The following COL17A1 variants were observed in gnomAD, a reference collection of about 807,000 sequenced individuals.
COL17A1 encodes the protein collagen alpha-1(XVII) chain.
Under a neutral mutation model 218.4 loss-of-function variants are expected in COL17A1, and 181 were observed. That is an observed-to-expected ratio of 0.83 (90% CI 0.73 to 0.94). The LOEUF is 0.94. Among genes scored for constraint, COL17A1 ranks in the 40% least tolerant of loss-of-function variants. The pLI is 0.00. For synonymous variants in COL17A1, 721 were observed against 731.0 expected (o/e 0.99, Z 0.22); for missense variants, 1,924 against 1,945.9 (o/e 0.99, Z 0.21).
At position 104,058,131 on chromosome 10, in the gene COL17A1, G is replaced by A. The variant is rs750598817; in HGVS notation, c.1267+15C>T. 33 of 1,614,010 alleles carry A rather than the reference G, an allele frequency of 2.0e-5. No individual in the cohort carries two copies. The highest frequency in any genetic ancestry group is 1.1e-4 in the African/African-American group (8 of 74,938). On this transcript the variant is annotated intron_variant, in intron 16 of 55. Coordinates refer to ENST00000648076, the MANE Select transcript of COL17A1 (RefSeq NM_000494.4). The stretch of plus-strand genomic sequence containing the variant: ...ACTGGATCCTGTCACTGCAGGGTTC[G>A]CGGTTCTCACCCACCTGCAGTGGTG...
chr10:104,081,808 G>A (rs2086767137), intron 1 of COL17A1, among the ~76,000 whole-genome samples: 1 of 152,206 alleles, frequency 6.6e-6, no homozygotes, highest in South Asian at 2.1e-4. Context: ...TAGGCCCACA[G>A]CACATTTTGG....
chr10:104,063,937 A>T, intron 10 of COL17A1, 119 bp from the exon 11 acceptor site: 4 of 1,477,044 alleles, frequency 2.7e-6, no homozygotes, highest in Non-Finnish European at 2.8e-6. Flanking sequence ...ATTTTGGTAA[A>T]TTTTTGTTTT....
chr10:104,081,176 C>T (rs2086761756), intron 1 of COL17A1, among the ~76,000 whole-genome samples: 2 of 152,096 alleles, frequency 1.3e-5, no homozygotes, highest in Non-Finnish European at 2.9e-5. Context: ...AAGAATGGCA[C>T]TTGATGGATT....
intron 11 of COL17A1, 142 bp downstream of exon 11, chr10:104,063,605 A>G: frequency 1.5e-6 from 2 of 1,329,046 alleles, no homozygotes; most frequent in Non-Finnish European, 2.1e-6. Flanking sequence ...CCTGTGGTTG[A>G]AGGCAGGTTC....
At position 104,053,163 on chromosome 10, in the gene COL17A1, G is replaced by A. The variant is rs765294774; in HGVS notation, c.1835-28C>T. 6 of 1,609,020 alleles carry A rather than the reference G, an allele frequency of 3.7e-6. No individual in the cohort carries two copies. In the South Asian group the frequency reaches 6.6e-5, roughly 18 times the overall value. On this transcript the variant is annotated intron_variant, in intron 22 of 55. Coordinates refer to ENST00000648076, the MANE Select transcript of COL17A1 (RefSeq NM_000494.4). ...AAAGACAGGGATGGCCAGCCTCCAAGTCAGGATCCCGTACCCCAGCTAACG... is the reference window on the plus strand; with the variant it reads ...AAAGACAGGGATGGCCAGCCTCCAAATCAGGATCCCGTACCCCAGCTAACG...
At chr10:104,059,453 A>G in intron 15 of COL17A1, 185 bp downstream of exon 15, 1 of 647,528 alleles carries the variant, frequency 1.5e-6, no homozygotes, top group South Asian at 1.8e-5. Flanking sequence ...AAGCTTGTTG[A>G]ACTGCAGCTT....
intron 9 of COL17A1, among the ~76,000 whole-genome samples, chr10:104,070,137 A>G (rs2086657515): frequency 6.6e-6 from 1 of 152,154 alleles, no homozygotes; most frequent in African/African-American, 2.4e-5. Context: ...CAATCTAATA[A>G]TCAACATAAC....
Position 104,064,587 on chromosome 10 carries a change from GT to G in COL17A1, c.616del (p.Thr206ProfsTer33). On this transcript the variant is annotated frameshift_variant, in exon 10 of 56. Transcript: ENST00000648076. LOFTEE classifies it high-confidence loss of function. ...VTASSQSVSG[T>X]YDATILDANL... ...GGCATCCAGGATCGTTGCATCGTAG[GT>G]GCCTGACACTGGAAACAGACACATG... 1 of 1,613,096 alleles carries G rather than the reference GT, an allele frequency of 6.2e-7. No individual in the cohort carries two copies. The highest frequency in any genetic ancestry group is 8.5e-7 in the Non-Finnish European group (1 of 1,179,490).
chr10:104,056,356 G>A (rs1193156607), intron 17 of COL17A1, among the ~76,000 whole-genome samples: 1 of 152,138 alleles, frequency 6.6e-6, no homozygotes. Flanking sequence ...GCCAAGGGGG[G>A]CAGATCACGG....
intron 19 of COL17A1, 23 bp downstream of exon 19, chr10:104,055,349 C>A (rs776454535): frequency 1.2e-6 from 2 of 1,613,666 alleles, no homozygotes; most frequent in South Asian, 2.2e-5. Flanking sequence ...GAATCAGAGA[C>A]AAGGTTCAAT....
At position 104,033,945 on chromosome 10, in the gene COL17A1, G is replaced by T. The variant is rs375875610; in HGVS notation, c.4156C>A (p.Arg1386Ser). The T allele has an allele frequency of 6.2e-7, 1 of 1,614,090 alleles. No individual in the cohort carries two copies. The highest frequency in any genetic ancestry group is 1.3e-5 in the African/African-American group (1 of 75,018). Residue 1386 changes from arginine (R) to serine (S), a missense_variant and splice_region_variant, in exon 52 of 56, where the codon CGT becomes AGT. Coordinates refer to ENST00000648076, the MANE Select transcript of COL17A1 (RefSeq NM_000494.4). The stretch of plus-strand genomic sequence containing the variant: ...CCAAGGCCTAAATGTCCCCACTTAC[G>T]CTGCATGCTCTCTGACACCCTCACA... ...LAVRVSESMQ[R>S]QGLLQGMAYT...
chr10:104,060,652 G>C (rs1308590071), intron 13 of COL17A1, among the ~76,000 whole-genome samples: 2 of 152,176 alleles, frequency 1.3e-5, no homozygotes, highest in Non-Finnish European at 1.5e-5. Flanking sequence ...CAGGTCTTAA[G>C]AGTTGCCTTC....
At chr10:104,039,727 G>A in intron 41 of COL17A1, 87 bp from the exon 42 acceptor site, 1 of 1,577,422 alleles carries the variant, frequency 6.3e-7, no homozygotes, top group South Asian at 1.1e-5. Context: ...ATCCATGATT[G>A]CTGGGGCTGC....
At position 104,032,724 on chromosome 10, in the gene COL17A1, T is replaced by C; in HGVS notation, c.4388A>G (p.His1463Arg). 6.2e-7 allele frequency: 1 copy of C among 1,614,210 alleles called. No homozygotes were observed. Among genetic ancestry groups the C allele is most frequent in the Non-Finnish European group, 8.5e-7 (1 of 1,180,026 alleles). ...TCCTCGAGGGCCAGGTGGCCCAGGATGACCTGGTGGCCCAGCAGGGCCCCT... is the reference window on the plus strand; with the variant it reads ...TCCTCGAGGGCCAGGTGGCCCAGGACGACCTGGTGGCCCAGCAGGGCCCCT... ...GDRGPAGPPG[H>R]PGPPGPRGHK... Residue 1463 changes from histidine (H) to arginine (R), a missense_variant, in exon 55 of 56, where the codon CAT becomes CGT. His to Arg is a conservative substitution (Grantham distance 29). Transcript: ENST00000648076.
intron 48 of COL17A1, among the ~76,000 whole-genome samples, chr10:104,036,034 A>ATGGG (rs2086285248): frequency 1.9e-5 from 1 of 51,776 alleles, no homozygotes; most frequent in Non-Finnish European, 4.0e-5. Flanking sequence ...CTGAGTATGG[A>ATGGG]AGTGTGTGTA....
At chr10:104,039,355 G>T in intron 43 of COL17A1, 90 bp downstream of exon 43, 1 of 1,382,388 alleles carries the variant, frequency 7.2e-7, no homozygotes, top group South Asian at 1.2e-5. Flanking sequence ...TTACACTGAT[G>T]AGTACTTGCT....
intron 9 of COL17A1, among the ~76,000 whole-genome samples, chr10:104,069,393 GA>G (rs2086651956): frequency 6.6e-6 from 1 of 152,148 alleles, no homozygotes; most frequent in South Asian, 2.1e-4. Context: ...GGGAATTATG[GA>G]AAGTTTACAC....
chr10:104,056,025 T>C (rs1225302306), intron 17 of COL17A1, 22 bp from the exon 18 acceptor site: 7 of 1,613,872 alleles, frequency 4.3e-6, no homozygotes, highest in Non-Finnish European at 5.1e-6. Flanking sequence ...AGACACACAC[T>C]GCGTCACTGA....
chr10:104,064,425 G>A lies in COL17A1; in HGVS notation c.766+13C>T. 1 of 1,613,984 alleles carries A rather than the reference G, an allele frequency of 6.2e-7. No homozygotes were observed. Among genetic ancestry groups the A allele is most frequent in the Non-Finnish European group, 8.5e-7 (1 of 1,180,008 alleles). ...TCAGGGGTGAGAGAGGGTGTGGGCT[G>A]CCCGCCAGGTACCTGATCCCGCAGA... On this transcript the variant is annotated intron_variant, in intron 10 of 55. Coordinates refer to ENST00000648076, the MANE Select transcript of COL17A1 (RefSeq NM_000494.4).
Sources: gnomAD v4.1 joint callset for allele counts (sites outside exome capture counted in the v4.1 genomes callset) on GRCh38, gnomAD v4.1.1 for gene constraint, MANE v1.5 for transcripts, NCBI Gene and HGNC (gene_info 2026-07-23, HGNC 2026-07-21) for gene names.